Variants in CCSER1 observed in about 807,000 individuals in gnomAD.
The protein encoded by CCSER1 is coiled-coil serine rich protein 1, also known as serine-rich coiled-coil domain-containing protein 1.
A neutral mutation model predicts 82.0 loss-of-function variants in CCSER1; 41 were observed. That is an observed-to-expected ratio of 0.50 (90% confidence interval 0.39 to 0.65). The LOEUF (loss-of-function observed/expected upper bound fraction) is 0.65, where lower values mean the gene tolerates loss of function less well. Among genes scored for constraint, CCSER1 ranks in the 30% least tolerant of loss-of-function variants. The pLI is 0.00. For synonymous variants in CCSER1, 414 were observed against 383.9 expected, an observed-to-expected ratio of 1.08 and a Z score of -0.92; for missense variants, 1,119 against 1,064.2, an observed-to-expected ratio of 1.05 and a Z score of -0.72.
At chr4:91,303,593 C>T (rs1381306097) in intron 10 of CCSER1, among the ~76,000 whole-genome samples, 2 of 151,826 alleles carry the variant, frequency 1.3e-5, no homozygotes, top group East Asian at 3.9e-4. Context: ...CAAGACCGGC[C>T]TTGGCAACAT....
intron 10 of CCSER1, among the ~76,000 whole-genome samples, chr4:91,564,662 A>T (rs1326375847): frequency 6.6e-6 from 1 of 151,482 alleles, no homozygotes; most frequent in Non-Finnish European, 1.5e-5. Context: ...GCTTTTTTTT[A>T]ATGTTGTTGG....
chr4:91,191,609 G>A (rs1734999090), intron 10 of CCSER1, among the ~76,000 whole-genome samples: 1 of 152,142 alleles, frequency 6.6e-6, no homozygotes, highest in East Asian at 1.9e-4. Context: ...TCAATCTGAT[G>A]TACATTTTCC....
chr4:91,185,244 A>G (rs1175578929), intron 10 of CCSER1, among the ~76,000 whole-genome samples: 3 of 152,046 alleles, frequency 2.0e-5, no homozygotes, highest in Non-Finnish European at 4.4e-5. Flanking sequence ...ACTTTTTCCC[A>G]TTTCCACATA....
At position 91,311,478 on chromosome 4, in the gene CCSER1, C is replaced by T. The variant is rs561871430; in HGVS notation, c.2217+225484C>T. 2.0e-5 allele frequency among the ~76,000 whole-genome samples: 3 copies of T among 151,936 alleles called. No homozygotes were observed. In the East Asian group the frequency reaches 5.8e-4, roughly 30 times the overall value. The stretch of plus-strand genomic sequence containing the variant: ...CTAATAGAGACAATATTTTTCACAA[C>T]AGCAGTAACGACAACAAGTTTACTT... On this transcript the variant is annotated intron_variant, in intron 10 of 10. Coordinates refer to ENST00000509176, the MANE Select transcript of CCSER1 (RefSeq NM_001145065.2).
At chr4:90,781,118 A>C (rs1420168451) in intron 7 of CCSER1, 1 of 225,986 alleles carries the variant, frequency 4.4e-6, no homozygotes, top group Non-Finnish European at 7.4e-6. Flanking sequence ...GACAGCACCC[A>C]GCCATGAGGG....
chr4:91,517,745 C>CGTGTGTGTGT (rs71579530), intron 10 of CCSER1, among the ~76,000 whole-genome samples: 18 of 121,086 alleles, frequency 1.5e-4, no homozygotes, highest in African/African-American at 3.9e-4. Context: ...AGTTCTTTCT[C>CGTGTGTGTGT]GTGTGTGTGT....
intron 5 of CCSER1, among the ~76,000 whole-genome samples, chr4:90,588,830 A>G (rs571851113): frequency 1.3e-5 from 2 of 152,172 alleles, no homozygotes; most frequent in Non-Finnish European, 2.9e-5. Flanking sequence ...CATGCCTTTT[A>G]GCTTCCACCA....
chr4:90,612,743 C>T (rs1307261132), intron 5 of CCSER1, among the ~76,000 whole-genome samples: 3 of 152,106 alleles, frequency 2.0e-5, no homozygotes, highest in African/African-American at 7.2e-5. Context: ...CTTTTGCAGA[C>T]ATAATCCCCT....
intron 7 of CCSER1, among the ~76,000 whole-genome samples, chr4:90,766,171 C>T (rs7667003): frequency 0.14 from 21,555 of 152,058 alleles, 1,705 homozygotes; most frequent in Non-Finnish European, 0.18. Flanking sequence ...CTAGACAAAG[C>T]AATCAGTGCC....
chr4:91,564,614 G>A (rs888808543), intron 10 of CCSER1, among the ~76,000 whole-genome samples: 9 of 151,876 alleles, frequency 5.9e-5, no homozygotes, highest in African/African-American at 1.7e-4. Flanking sequence ...GTGTCTTATT[G>A]TGGTTTTGAT....
At chr4:90,438,198 G>T (rs2153570878) in intron 4 of CCSER1, among the ~76,000 whole-genome samples, 1 of 152,210 alleles carries the variant, frequency 6.6e-6, no homozygotes, top group Admixed American at 6.5e-5. Context: ...TAAGAAACCA[G>T]ACTTGATCTT....
intron 10 of CCSER1, among the ~76,000 whole-genome samples, chr4:91,414,235 T>G (rs937159833): frequency 1.3e-5 from 2 of 152,156 alleles, no homozygotes; most frequent in Non-Finnish European, 2.9e-5. Context: ...ACTACAATAA[T>G]GTATTAATGC....
intron 9 of CCSER1, among the ~76,000 whole-genome samples, chr4:91,019,782 C>T (rs1224144094): frequency 6.6e-6 from 1 of 152,118 alleles, no homozygotes; most frequent in African/African-American, 2.4e-5. Context: ...TAAATGGGAT[C>T]CTTAGAGCAC....
At chr4:91,034,205 C>T (rs765815813) in intron 9 of CCSER1, among the ~76,000 whole-genome samples, 1 of 152,180 alleles carries the variant, frequency 6.6e-6, no homozygotes, top group Non-Finnish European at 1.5e-5. Context: ...TGATGTCTTA[C>T]ATTCAAGATG....
chr4:90,139,830 G>C (rs1724404950), intron 1 of CCSER1, among the ~76,000 whole-genome samples: 1 of 152,168 alleles, frequency 6.6e-6, no homozygotes, highest in South Asian at 2.1e-4. Context: ...TGTGGTGGCA[G>C]GTATCTGTAA....
intron 9 of CCSER1, among the ~76,000 whole-genome samples, chr4:90,952,019 G>T (rs1732970701): frequency 1.3e-5 from 2 of 151,820 alleles, no homozygotes; most frequent in African/African-American, 4.8e-5. Context: ...TGTCAATTTG[G>T]GGTGGAATAT....
intron 9 of CCSER1, among the ~76,000 whole-genome samples, chr4:90,998,394 A>T (rs927688916): frequency 5.3e-5 from 8 of 152,134 alleles, no homozygotes; most frequent in Admixed American, 6.6e-5. Context: ...TTTTAAAATA[A>T]TCAGTTATTT....
At chr4:90,173,653 C>A (rs1471691969) in intron 1 of CCSER1, among the ~76,000 whole-genome samples, 1 of 151,916 alleles carries the variant, frequency 6.6e-6, no homozygotes, top group African/African-American at 2.4e-5. Context: ...GTAATGAAAT[C>A]AAAGTCAGTT....
intron 8 of CCSER1, among the ~76,000 whole-genome samples, chr4:90,859,214 A>T (rs1423950137): frequency 6.6e-6 from 1 of 151,852 alleles, no homozygotes; most frequent in Non-Finnish European, 1.5e-5. Context: ...CTTTCCCTGA[A>T]TCTCATCTGT....
Sources: gnomAD v4.1 joint callset for allele counts (sites outside exome capture counted in the v4.1 genomes callset) on GRCh38, gnomAD v4.1.1 for gene constraint, MANE v1.5 for transcripts, NCBI Gene and HGNC (gene_info 2026-07-23, HGNC 2026-07-21) for gene names.